Variants in USH1C observed in about 807,000 individuals in gnomAD.
USH1C encodes the protein USH1 protein network component harmonin.
In USH1C, 90 loss-of-function variants were observed where a neutral mutation model predicts 119.3. The observed-to-expected ratio is 0.75, with a 90% CI of 0.64 to 0.90. USH1C has a LOEUF of 0.90. Among genes scored for constraint, USH1C ranks in the 40% least tolerant of loss-of-function variants. The probability of loss-of-function intolerance (pLI) is 0.00; values close to 1 mark genes in which losing one functional copy is unlikely to be tolerated. For missense variants in USH1C, 1,165 were observed against 1,167.7 expected (o/e 1.00, Z 0.03); for synonymous variants, 465 against 443.3 (o/e 1.05, Z -0.62).
At chr11:17,542,314 G>T (rs1376241722) in intron 1 of USH1C, among the ~76,000 whole-genome samples, 1 of 152,234 alleles carries the variant, frequency 6.6e-6, no homozygotes, top group African/African-American at 2.4e-5. Context: ...CTCCCAGCAT[G>T]TCTGTGTGCC....
At position 17,494,043 on chromosome 11, in the gene USH1C, C is replaced by T. The variant is rs1431490186; in HGVS notation, c.*289G>A. ...TTATTAGGGTTCAAGGAAGGAGTCC[C>T]CCAGAGCTGGGAGAGACCAAATTCA... is the stretch of plus-strand genomic sequence containing the variant. On this transcript the variant is annotated 3_prime_UTR_variant, in exon 27 of 27. Coordinates refer to ENST00000005226, the MANE Select transcript of USH1C (RefSeq NM_153676.4). The T allele has an allele frequency of 1.0e-5, 5 of 499,570 alleles. No homozygotes were observed. Among genetic ancestry groups the T allele is most frequent in the Admixed American group, 9.8e-5 (3 of 30,714 alleles). The allele number at this position is 499,570 out of a possible 1,614,324, so 30.9% of individuals were successfully genotyped here. A position where few individuals can be genotyped will look rare whatever the true frequency, so the allele number is the denominator to read the frequency against.
chr11:17,524,578 A>T, intron 8 of USH1C, 43 bp from the exon 9 acceptor site: 1 of 1,548,920 alleles, frequency 6.5e-7, no homozygotes, highest in East Asian at 2.4e-5. Flanking sequence ...CAGGTAACCC[A>T]TGTCCAGTGC....
intron 26 of USH1C, 139 bp downstream of exon 26, chr11:17,495,429 GC>G (rs1849209341): frequency 3.4e-6 from 3 of 881,640 alleles, no homozygotes; most frequent in East Asian, 4.9e-5. Flanking sequence ...CCAACAGCAG[GC>G]CCCAGGCAGC....
chr11:17,533,039 T>C (rs1221707164), intron 2 of USH1C, among the ~76,000 whole-genome samples: 3 of 152,200 alleles, frequency 2.0e-5, no homozygotes, highest in African/African-American at 7.2e-5. Context: ...GACCAATCTG[T>C]CTGGCTCACA....
chr11:17,496,127 G>A (rs543387609), intron 25 of USH1C, among the ~76,000 whole-genome samples: 7 of 152,098 alleles, frequency 4.6e-5, no homozygotes, highest in African/African-American at 1.4e-4. Flanking sequence ...AAAGGGGACC[G>A]GGATGAAGGG....
chr11:17,501,195 C>A (rs1163735801), intron 22 of USH1C, 45 bp from the exon 23 acceptor site: 11 of 1,459,206 alleles, frequency 7.5e-6, no homozygotes, highest in Non-Finnish European at 9.5e-6. Context: ...CAGACAGCAG[C>A]CTGTGGACAC....
At position 17,496,929 on chromosome 11, in the gene USH1C, T is replaced by C. The variant is rs1229082321; in HGVS notation, c.2491-116A>G. The stretch of plus-strand genomic sequence containing the variant: ...CTAGGATCAGCCAGGCTGCACCTTC[T>C]TCCCACGGGCCCACCTGGGGCCCAC... On this transcript the variant is annotated intron_variant, in intron 24 of 26. Coordinates refer to ENST00000005226, the MANE Select transcript of USH1C (RefSeq NM_153676.4). The C allele has an allele frequency of 3.2e-6, 4 of 1,239,210 alleles. No homozygotes were observed. The African/African-American group carries it at 6.0e-5, about 19-fold the overall frequency. 76.8% of individuals were successfully genotyped at this position (1,239,210 alleles called of 1,614,324 possible). A position where few individuals can be genotyped will look rare whatever the true frequency, so the allele number is the denominator to read the frequency against.
intron 14 of USH1C, among the ~76,000 whole-genome samples, chr11:17,518,004 G>A (rs1565044473): frequency 6.6e-6 from 1 of 152,224 alleles, no homozygotes; most frequent in African/African-American, 2.4e-5. Context: ...AGGAAGACCT[G>A]AATTTTGACA....
At chr11:17,501,200 G>A in intron 22 of USH1C, 50 bp from the exon 23 acceptor site, 1 of 1,445,480 alleles carries the variant, frequency 6.9e-7, no homozygotes, top group Middle Eastern at 1.7e-4. Flanking sequence ...AGCAGCCTGT[G>A]GACACCTGGG....
At chr11:17,506,647 A>T (rs1849661317) in intron 18 of USH1C, among the ~76,000 whole-genome samples, 1 of 152,118 alleles carries the variant, frequency 6.6e-6, no homozygotes, top group Non-Finnish European at 1.5e-5. Context: ...AGCCTCAAAA[A>T]ATGCCAGGCT....
chr11:17,536,591 C>A (rs909640940), intron 1 of USH1C, among the ~76,000 whole-genome samples: 5 of 152,210 alleles, frequency 3.3e-5, no homozygotes, highest in African/African-American at 1.2e-4. Flanking sequence ...GAGGTCTCAT[C>A]CTACCTGTCT....
intron 19 of USH1C, among the ~76,000 whole-genome samples, chr11:17,505,274 A>C (rs1318783856): frequency 6.6e-6 from 1 of 152,226 alleles, no homozygotes; most frequent in Non-Finnish European, 1.5e-5. Flanking sequence ...TTCCCATCTG[A>C]GGGTGTTTCA....
At chr11:17,512,102 C>T (rs746613190) in intron 15 of USH1C, 48 bp from the exon 16 acceptor site, 14 of 1,602,562 alleles carry the variant, frequency 8.7e-6, no homozygotes, top group Middle Eastern at 1.7e-4. Context: ...GAAATAGTGT[C>T]GACAGCACAG....
At chr11:17,512,983 TG>T (rs1191101751) in intron 15 of USH1C, among the ~76,000 whole-genome samples, 1 of 152,168 alleles carries the variant, frequency 6.6e-6, no homozygotes, top group Non-Finnish European at 1.5e-5. Context: ...AGGAAGAGAA[TG>T]ATCATTTATG....
intron 2 of USH1C, among the ~76,000 whole-genome samples, chr11:17,532,247 C>A (rs1851021804): frequency 6.6e-6 from 1 of 152,162 alleles, no homozygotes; most frequent in East Asian, 1.9e-4. Flanking sequence ...GATGCTGATC[C>A]CTCATTCTGG....
rs1850211791 is a variant in USH1C, at chr11:17,517,530, G to A, written c.1211-1240C>T. On this transcript the variant is annotated intron_variant, in intron 14 of 26. Coordinates refer to ENST00000005226, the MANE Select transcript of USH1C (RefSeq NM_153676.4). The stretch of plus-strand genomic sequence containing the variant: ...AACCAAAAGGGACTTGGGAGCCCAA[G>A]AGGCCGGAGAACCTTCTCAGGAGTT... 6 of 1,528,298 alleles carry A rather than the reference G, an allele frequency of 3.9e-6. No individual in the cohort carries two copies. In the African/African-American group the frequency reaches 6.9e-5, roughly 17 times the overall value. The allele number at this position is 1,528,298 out of a possible 1,614,324, so 94.7% of individuals were successfully genotyped here.
chr11:17,517,657 A>G (rs966359745), intron 14 of USH1C, among the ~76,000 whole-genome samples: 3 of 152,176 alleles, frequency 2.0e-5, no homozygotes, highest in Admixed American at 2.0e-4. Flanking sequence ...GAGCTGGTGC[A>G]TACAGTGTTT....
rs1849626192 is a variant in USH1C, at chr11:17,505,820, A to G, written c.2133+10T>C. The G allele has an allele frequency of 6.2e-7, 1 of 1,613,944 alleles. No homozygotes were observed. Among genetic ancestry groups the G allele is most frequent in the Non-Finnish European group, 8.5e-7 (1 of 1,179,876 alleles). On this transcript the variant is annotated intron_variant, in intron 19 of 26. Transcript: ENST00000005226. Reference sequence around the variant, plus strand: ...CTAGAGACAACCTGGAGGGGACCCAAGGGGCTTACCAGAACTTCAGATTTC... The same window carrying G: ...CTAGAGACAACCTGGAGGGGACCCAGGGGGCTTACCAGAACTTCAGATTTC...
intron 25 of USH1C, 106 bp from the exon 26 acceptor site, chr11:17,495,783 T>A: frequency 2.4e-6 from 3 of 1,245,536 alleles, no homozygotes; most frequent in Non-Finnish European, 3.5e-6. Context: ...GGGTTCTGCC[T>A]AGCCCCTGGG....
Sources: allele counts gnomAD v4.1 joint callset (sites outside exome capture counted in the v4.1 genomes callset), GRCh38; gene constraint gnomAD v4.1.1; transcripts MANE v1.5; gene names NCBI Gene and HGNC (gene_info 2026-07-23, HGNC 2026-07-21).